GNG7: variants seen among roughly 807,000 people sequenced by gnomAD.
The protein encoded by GNG7 is G protein subunit gamma 7.
Under a neutral mutation model 4.0 loss-of-function variants are expected in GNG7, and 1 was observed. The observed-to-expected ratio is 0.25, with a 90% CI of 0.09 to 1.18. The LOEUF is 1.18. Among genes scored for constraint, GNG7 ranks in the 50% most tolerant of loss-of-function variants. The pLI is 0.50. For synonymous variants in GNG7, 34 were observed against 36.9 expected (o/e 0.92, Z 0.29); for missense variants, 86 against 91.9 (o/e 0.94, Z 0.26).
chr19:2,590,496 T>G (rs1304351756), intron 2 of GNG7, among the ~76,000 whole-genome samples: 1 of 151,560 alleles, frequency 6.6e-6, no homozygotes, highest in African/African-American at 2.4e-5. Context: ...CATCCATCCA[T>G]CCATCCATCC....
chr19:2,692,243 G>C (rs1260412237), intron 1 of GNG7, among the ~76,000 whole-genome samples: 2 of 151,678 alleles, frequency 1.3e-5, no homozygotes, highest in Non-Finnish European at 2.9e-5. Flanking sequence ...GTGCCCAGCA[G>C]ACTCTGCCAG....
At chr19:2,565,052 A>G (rs1979858378) in intron 2 of GNG7, among the ~76,000 whole-genome samples, 1 of 152,144 alleles carries the variant, frequency 6.6e-6, no homozygotes. Context: ...AATAAATACA[A>G]TAAAATATCC....
At chr19:2,636,463 T>A (rs1248153943) in intron 2 of GNG7, among the ~76,000 whole-genome samples, 1 of 152,108 alleles carries the variant, frequency 6.6e-6, no homozygotes, top group Admixed American at 6.5e-5. Context: ...CAGGGTCTGA[T>A]TCCCATGGCA....
rs1395717222 is a variant in GNG7 at position 2,557,070 on chromosome 19, GACAC to G, written c.-77-1886_-77-1883del. ...ACTCACACACATATGCACGCACACAGACACACGCACACACGTGCACACAGGAATA... is the reference window on the plus strand; with the variant it reads ...ACTCACACACATATGCACGCACACAGACGCACACACGTGCACACAGGAATA... On this transcript the variant is annotated intron_variant, in intron 2 of 4. Transcript: ENST00000382159. The surrounding 1 kb of genome is among the most constrained non-coding windows in gnomAD (Gnocchi z 5.1). Among the ~76,000 whole-genome samples the G allele has an allele frequency of 6.9e-6, 1 of 145,252 alleles. No individual in the cohort carries two copies. Among genetic ancestry groups the G allele is most frequent in the South Asian group, 2.2e-4 (1 of 4,538 alleles).
chr19:2,539,222 T>C (rs1978861651), intron 3 of GNG7, among the ~76,000 whole-genome samples: 1 of 152,154 alleles, frequency 6.6e-6, no homozygotes, highest in Non-Finnish European at 1.5e-5. Context: ...GTTTTTTCCT[T>C]GCATAGTAAT....
intron 2 of GNG7, among the ~76,000 whole-genome samples, chr19:2,568,919 A>G (rs1980055431): frequency 6.8e-6 from 1 of 146,438 alleles, no homozygotes; most frequent in South Asian, 2.1e-4. Flanking sequence ...ACACATATAC[A>G]TACATATACA....
intron 1 of GNG7, among the ~76,000 whole-genome samples, chr19:2,662,953 A>G (rs1983216876): frequency 6.6e-6 from 1 of 152,214 alleles, no homozygotes; most frequent in Non-Finnish European, 1.5e-5. Flanking sequence ...TGCAGATTCC[A>G]AGGATTTTAG....
chr19:2,536,498 A>C (rs1415837743), intron 3 of GNG7, among the ~76,000 whole-genome samples: 1 of 152,136 alleles, frequency 6.6e-6, no homozygotes. Context: ...TTTTCTTCCT[A>C]ATCAGAACTA....
Position 2,520,683 on chromosome 19 carries a change from T to C in GNG7, c.6A>G (p.Ser2=). ...GGGCCTGGGCTATGTTGTTAGTGGC[T>C]GACATTGTCTGCCATCAGCTCTGGG... M[S]ATNNIAQARK... The change falls in exon 4 of 5, where the codon TCA becomes TCG. Residue 2 remains serine (S), a synonymous_variant. Transcript: ENST00000382159. The C allele has an allele frequency of 6.5e-7, 1 of 1,527,892 alleles. No homozygotes were observed. The highest frequency in any genetic ancestry group is 8.9e-7 in the Non-Finnish European group (1 of 1,124,554). The allele number at this position is 1,527,892 out of a possible 1,614,324, so 94.6% of individuals were successfully genotyped here.
chr19:2,663,882 G>A (rs75051467), intron 1 of GNG7, among the ~76,000 whole-genome samples: 2,433 of 152,268 alleles, frequency 0.016, 65 homozygotes, highest in African/African-American at 0.055. Context: ...GGGTGGGGCC[G>A]TTCTGGGCAC....
chr19:2,593,564 C>T (rs8106466), intron 2 of GNG7, among the ~76,000 whole-genome samples: 70,304 of 151,452 alleles, frequency 0.46, 17,477 homozygotes, highest in Non-Finnish European at 0.57. Flanking sequence ...GGCAACAAGG[C>T]GAAACCTCGT....
chr19:2,684,491 C>T (rs1342048374), intron 1 of GNG7, among the ~76,000 whole-genome samples: 3 of 151,978 alleles, frequency 2.0e-5, no homozygotes, highest in Non-Finnish European at 2.9e-5. Flanking sequence ...TGACCCTGGA[C>T]GGATGCACGG....
At chr19:2,688,172 A>G (rs7252315) in intron 1 of GNG7, among the ~76,000 whole-genome samples, 5,606 of 152,186 alleles carry the variant, frequency 0.037, 325 homozygotes, top group African/African-American at 0.13. Flanking sequence ...AGAATGGTGT[A>G]AACCCAGGAG....
At chr19:2,559,255 A>T (rs954313879) in intron 2 of GNG7, among the ~76,000 whole-genome samples, 29 of 152,018 alleles carry the variant, frequency 1.9e-4, no homozygotes, top group Non-Finnish European at 7.3e-5. Context: ...GCGAACACAA[A>T]TCATTACTCC....
chr19:2,557,267 T>G lies in GNG7; in HGVS notation c.-77-2079A>C, dbSNP rs1215972402. Among the ~76,000 whole-genome samples, 3 of 140,938 alleles carry G rather than the reference T, an allele frequency of 2.1e-5. No homozygotes were observed. Among genetic ancestry groups the G allele is most frequent in the South Asian group, 2.3e-4 (1 of 4,414 alleles). 92.5% of individuals were successfully genotyped at this position (140,938 alleles called of 152,430 possible). A position where few individuals can be genotyped will look rare whatever the true frequency, so the allele number is the denominator to read the frequency against. On this transcript the variant is annotated intron_variant, in intron 2 of 4. Transcript: ENST00000382159. This position sits in a 1 kb window ranked among gnomAD's most constrained non-coding sequence, Gnocchi z 5.1. ...TGTGCACACACACGTGCACACACAT[T>G]TGCACACACAGACACGTGCACACAC...
rs1005719110 is a variant in GNG7 at position 2,512,284 on chromosome 19, C to T, written c.*2738G>A. ...CCGGCAGAAAAGCACATGTGGCGGTCGGTGTGTGCACTCGGGTGCCACGTC... is the reference window on the plus strand; with the variant it reads ...CCGGCAGAAAAGCACATGTGGCGGTTGGTGTGTGCACTCGGGTGCCACGTC... On this transcript the variant is annotated 3_prime_UTR_variant, in exon 5 of 5. Coordinates refer to ENST00000382159, the MANE Select transcript of GNG7 (RefSeq NM_052847.3). The surrounding 1 kb of genome is among the most constrained non-coding windows in gnomAD (Gnocchi z 4.7). 1.1e-4 allele frequency: 106 copies of T among 985,612 alleles called. No individual in the cohort carries two copies. The highest frequency in any genetic ancestry group is 1.2e-4 in the Non-Finnish European group (97 of 829,934). The allele number at this position is 985,612 out of a possible 1,614,324, so 61.1% of individuals were successfully genotyped here.
chr19:2,592,814 A>AG (rs1980886567), intron 2 of GNG7, among the ~76,000 whole-genome samples: 1 of 109,522 alleles, frequency 9.1e-6, no homozygotes, highest in African/African-American at 3.5e-5. Context: ...GAAAGAAAGA[A>AG]AGAGAGAGAG....
At chr19:2,531,203 C>A (rs1978570746) in intron 3 of GNG7, among the ~76,000 whole-genome samples, 1 of 140,206 alleles carries the variant, frequency 7.1e-6, no homozygotes, top group Non-Finnish European at 1.5e-5. Flanking sequence ...TAGTCAGGAG[C>A]TGAGATGAGA....
In GNG7 at chr19:2,602,981, TCTTTCC is replaced by T. The variant is rs1182491700; in HGVS notation, c.-78+43237_-78+43242del. Among the ~76,000 whole-genome samples the T allele has an allele frequency of 5.8e-4, 88 of 151,610 alleles. 2 individuals carry two copies. The highest frequency in any genetic ancestry group is 2.0e-3 in the African/African-American group (84 of 41,248). Reference sequence around the variant, plus strand: ...CTTTCTCTTTCTTTCTTTCTCTCTCTCTTTCCTTCCTTCCTTTCTTTTCTTTCTCCC... The same window carrying T: ...CTTTCTCTTTCTTTCTTTCTCTCTCTTTCCTTCCTTTCTTTTCTTTCTCCC... On this transcript the variant is annotated intron_variant, in intron 2 of 4. Coordinates refer to ENST00000382159, the MANE Select transcript of GNG7 (RefSeq NM_052847.3).
Sources: allele counts gnomAD v4.1 joint callset (sites outside exome capture counted in the v4.1 genomes callset), GRCh38; gene constraint gnomAD v4.1.1; non-coding constraint Gnocchi (gnomAD v3.1); transcripts MANE v1.5; gene names NCBI Gene and HGNC (gene_info 2026-07-23, HGNC 2026-07-21).